The following DOCK3 variants were observed in gnomAD, a reference collection of about 807,000 sequenced individuals.
DOCK3 encodes dedicator of cytokinesis 3, also known as dedicator of cytokinesis protein 3.
In DOCK3, 60 loss-of-function variants were observed where a neutral mutation model predicts 265.6. That is an observed-to-expected ratio of 0.23 (90% CI 0.18 to 0.28). DOCK3 has a LOEUF of 0.28. Ranked by LOEUF, DOCK3 falls within the 10% of genes least tolerant of loss-of-function variation. The pLI is 1.00. For missense variants in DOCK3, 1,981 were observed against 2,594.3 expected, an observed-to-expected ratio of 0.76 and a Z score of 5.14; for synonymous variants, 881 against 938.0, an observed-to-expected ratio of 0.94 and a Z score of 1.11.
At chr3:50,799,081 G>A (rs1473773397) in intron 2 of DOCK3, among the ~76,000 whole-genome samples, 4 of 152,140 alleles carry the variant, frequency 2.6e-5, no homozygotes, top group African/African-American at 4.8e-5. Context: ...AGTGGTCTGT[G>A]TGTCTGTTTT....
intron 4 of DOCK3, among the ~76,000 whole-genome samples, chr3:50,933,037 T>C (rs1471741764): frequency 6.6e-6 from 1 of 152,188 alleles, no homozygotes; most frequent in Non-Finnish European, 1.5e-5. Context: ...AGAGAGCATG[T>C]GCTGGGGAAC....
At chr3:51,217,143 C>T (rs1418575736) in intron 14 of DOCK3, among the ~76,000 whole-genome samples, 1 of 93,788 alleles carries the variant, frequency 1.1e-5, no homozygotes, top group Non-Finnish European at 2.0e-5. Context: ...ATCAAACACT[C>T]ATTTGGAAAG....
intron 5 of DOCK3, among the ~76,000 whole-genome samples, chr3:51,006,990 A>C (rs1386965088): frequency 2.6e-5 from 4 of 152,154 alleles, no homozygotes; most frequent in Non-Finnish European, 5.9e-5. Context: ...TCCATGGCGT[A>C]TGTGTGCCAC....
At chr3:51,287,393 A>T (rs922029509) in intron 27 of DOCK3, among the ~76,000 whole-genome samples, 1 of 152,108 alleles carries the variant, frequency 6.6e-6, no homozygotes, top group African/African-American at 2.4e-5. Context: ...GACAAAAAAA[A>T]TAAAATAAAA....
chr3:51,196,686 A>G (rs1405995976), intron 12 of DOCK3, among the ~76,000 whole-genome samples: 1 of 152,194 alleles, frequency 6.6e-6, no homozygotes, highest in Non-Finnish European at 1.5e-5. Flanking sequence ...TTTCAAATGT[A>G]ATTTGTAGTT....
At chr3:51,256,234 G>A (rs192152372) in intron 22 of DOCK3, among the ~76,000 whole-genome samples, 2 of 152,294 alleles carry the variant, frequency 1.3e-5, no homozygotes, top group East Asian at 3.9e-4. Context: ...GCTGTAGACT[G>A]GAGCTGTTCC....
intron 5 of DOCK3, among the ~76,000 whole-genome samples, chr3:50,950,530 T>C (rs2076561750): frequency 6.9e-6 from 1 of 144,090 alleles, no homozygotes; most frequent in Non-Finnish European, 1.6e-5. Context: ...CCCACAGTAG[T>C]GCTCATTTGC....
chr3:51,005,133 A>C (rs1196626081), intron 5 of DOCK3, among the ~76,000 whole-genome samples: 4 of 152,078 alleles, frequency 2.6e-5, no homozygotes, highest in African/African-American at 9.7e-5. Flanking sequence ...AAGATAAAAA[A>C]GGAAATTTAA....
chr3:51,012,671 T>A (rs761486195), intron 5 of DOCK3, among the ~76,000 whole-genome samples: 1 of 152,114 alleles, frequency 6.6e-6, no homozygotes, highest in Non-Finnish European at 1.5e-5. Context: ...CACTGTCCGA[T>A]AAGCCCCAAT....
chr3:51,019,649 G>A (rs1233453932), intron 5 of DOCK3, among the ~76,000 whole-genome samples: 1 of 151,778 alleles, frequency 6.6e-6, no homozygotes, highest in Non-Finnish European at 1.5e-5. Flanking sequence ...ACAGGCCCCA[G>A]TGTGTGTTGT....
At chr3:50,893,149 G>C (rs1274458580) in intron 4 of DOCK3, 6 of 187,010 alleles carry the variant, frequency 3.2e-5, no homozygotes, top group African/African-American at 1.4e-4. Context: ...TAAAGACCGG[G>C]AGAAGTGGTT....
At chr3:50,676,656 T>C (rs1016304224) in intron 1 of DOCK3, among the ~76,000 whole-genome samples, 1 of 138,020 alleles carries the variant, frequency 7.2e-6, no homozygotes, top group Non-Finnish European at 1.5e-5. Flanking sequence ...AGTGGTCAAC[T>C]CTCCAGTGGC....
intron 1 of DOCK3, among the ~76,000 whole-genome samples, chr3:50,694,653 A>T (rs1261745711): frequency 1.3e-5 from 2 of 152,050 alleles, no homozygotes; most frequent in African/African-American, 2.4e-5. Flanking sequence ...TACTAAAAAA[A>T]TACAAAAATT....
intron 12 of DOCK3, among the ~76,000 whole-genome samples, chr3:51,198,418 C>T (rs914767903): frequency 1.3e-5 from 2 of 152,124 alleles, no homozygotes; most frequent in African/African-American, 4.8e-5. Flanking sequence ...TTCCCGCTTC[C>T]AGGATGTCCC....
intron 7 of DOCK3, among the ~76,000 whole-genome samples, chr3:51,081,429 T>C (rs994117630): frequency 1.3e-5 from 2 of 152,176 alleles, no homozygotes; most frequent in South Asian, 4.1e-4. Flanking sequence ...TTATAAAAAA[T>C]AACAATTATA....
At chr3:50,676,622 C>G (rs2033974871) in intron 1 of DOCK3, among the ~76,000 whole-genome samples, 1 of 144,418 alleles carries the variant, frequency 6.9e-6, no homozygotes, top group African/African-American at 2.6e-5. Flanking sequence ...AACTGCTGAA[C>G]TAGAATAACA....
chr3:50,846,055 T>TA (rs1470440839), intron 3 of DOCK3, among the ~76,000 whole-genome samples: 1 of 152,202 alleles, frequency 6.6e-6, no homozygotes, highest in African/African-American at 2.4e-5. Flanking sequence ...TTGCAGTGCC[T>TA]AGCACATAAG....
At chr3:50,979,954 T>C (rs1354718275) in intron 5 of DOCK3, among the ~76,000 whole-genome samples, 1 of 152,234 alleles carries the variant, frequency 6.6e-6, no homozygotes, top group Non-Finnish European at 1.5e-5. Flanking sequence ...TCTTTCTTTC[T>C]CTTGCCTGAT....
intron 5 of DOCK3, among the ~76,000 whole-genome samples, chr3:51,049,793 C>A (rs796155567): frequency 1.2e-4 from 17 of 147,318 alleles, no homozygotes; most frequent in Non-Finnish European, 1.7e-4. Context: ...CCTAATGGGT[C>A]CACACACACA....
Sources: gnomAD v4.1 joint callset for allele counts (sites outside exome capture counted in the v4.1 genomes callset) on GRCh38, gnomAD v4.1.1 for gene constraint, MANE v1.5 for transcripts, NCBI Gene and HGNC (gene_info 2026-07-23, HGNC 2026-07-21) for gene names.